The following CCDC178 variants were observed in gnomAD, a reference collection of about 807,000 sequenced individuals.
The protein encoded by CCDC178 is coiled-coil domain containing 178.
A neutral mutation model predicts 117.4 loss-of-function variants in CCDC178; 126 were observed. That is an observed-to-expected ratio of 1.07 (90% CI 0.93 to 1.24). The LOEUF (loss-of-function observed/expected upper bound fraction) is 1.24. Among genes scored for constraint, CCDC178 ranks in the 50% most tolerant of loss-of-function variants. The pLI is 0.00. For missense variants in CCDC178, 1,030 were observed against 986.9 expected (o/e 1.04, Z -0.59); for synonymous variants, 283 against 313.4 (o/e 0.90, Z 1.02).
At chr18:33,397,508 C>T (rs2063655365) in intron 3 of CCDC178, among the ~76,000 whole-genome samples, 1 of 152,056 alleles carries the variant, frequency 6.6e-6, no homozygotes, top group South Asian at 2.1e-4. Context: ...TGTGTAATTT[C>T]TCTGTTTAGT....
At chr18:33,363,095 G>T (rs908511600) in intron 6 of CCDC178, among the ~76,000 whole-genome samples, 4 of 151,782 alleles carry the variant, frequency 2.6e-5, no homozygotes, top group African/African-American at 9.7e-5. Flanking sequence ...TTGTTCTGTA[G>T]GTCTAAAGTG....
chr18:33,170,768 A>G (rs141581040), intron 20 of CCDC178, among the ~76,000 whole-genome samples: 30 of 152,304 alleles, frequency 2.0e-4, no homozygotes, highest in African/African-American at 6.3e-4. Context: ...AAGTTTTTCT[A>G]TCCTAAAAGC....
chr18:33,218,391 T>C (rs912348704), intron 18 of CCDC178, among the ~76,000 whole-genome samples: 1 of 152,124 alleles, frequency 6.6e-6, no homozygotes, highest in Non-Finnish European at 1.5e-5. Flanking sequence ...TTTCCTCCCA[T>C]TCTGTAGGTT....
chr18:33,028,309 C>A (rs1245804928), intron 21 of CCDC178, among the ~76,000 whole-genome samples: 4 of 151,770 alleles, frequency 2.6e-5, no homozygotes, highest in African/African-American at 4.8e-5. Flanking sequence ...GATATGACTA[C>A]AGATCCAGTT....
At chr18:32,979,156 T>G (rs2144708134) in intron 21 of CCDC178, among the ~76,000 whole-genome samples, 1 of 151,840 alleles carries the variant, frequency 6.6e-6, no homozygotes, top group South Asian at 2.1e-4. Context: ...CACTGAAAAA[T>G]TAATAACTTT....
At chr18:33,280,766 T>G (rs1317800085) in intron 12 of CCDC178, among the ~76,000 whole-genome samples, 2 of 152,164 alleles carry the variant, frequency 1.3e-5, no homozygotes, top group Non-Finnish European at 1.5e-5. Context: ...TGGAATACTA[T>G]GCAGCCATAA....
At chr18:33,036,502 G>A (rs956024188) in intron 21 of CCDC178, among the ~76,000 whole-genome samples, 6 of 151,856 alleles carry the variant, frequency 4.0e-5, no homozygotes, top group Admixed American at 1.3e-4. Flanking sequence ...TCTAGGGAAA[G>A]CTTTTTGAGC....
intron 6 of CCDC178, among the ~76,000 whole-genome samples, chr18:33,357,997 G>A (rs907732501): frequency 1.3e-5 from 2 of 151,962 alleles, no homozygotes; most frequent in Non-Finnish European, 2.9e-5. Flanking sequence ...CAGTGGTATA[G>A]CCTACTACAC....
chr18:33,187,300 A>T (rs1000130358), intron 20 of CCDC178, among the ~76,000 whole-genome samples: 1 of 152,048 alleles, frequency 6.6e-6, no homozygotes, highest in Non-Finnish European at 1.5e-5. Flanking sequence ...GCCAAACCAC[A>T]TGATATGGCC....
chr18:32,950,040 A>G (rs2054445904), intron 22 of CCDC178, among the ~76,000 whole-genome samples: 1 of 152,170 alleles, frequency 6.6e-6, no homozygotes, highest in African/African-American at 2.4e-5. Context: ...TCTCTTAGAT[A>G]CAAACATGTC....
chr18:33,363,729 C>T (rs573695312), intron 6 of CCDC178, among the ~76,000 whole-genome samples: 1 of 152,126 alleles, frequency 6.6e-6, no homozygotes, highest in East Asian at 1.9e-4. Context: ...AGAAGTTGCA[C>T]ACAAGGAACT....
intron 11 of CCDC178, among the ~76,000 whole-genome samples, chr18:33,316,318 A>G (rs6507012): frequency 0.43 from 65,450 of 152,086 alleles, 15,630 homozygotes; most frequent in African/African-American, 0.65. Flanking sequence ...CCCACACTCG[A>G]AGCGGCCGGC....
intron 20 of CCDC178, among the ~76,000 whole-genome samples, chr18:33,125,725 C>T (rs1490892723): frequency 6.6e-6 from 1 of 152,168 alleles, no homozygotes; most frequent in South Asian, 2.1e-4. Context: ...TGAAAAGGAA[C>T]ACCTGCTTTG....
rs184080068 is a variant in CCDC178 at position 33,415,462 on chromosome 18, A to T, written c.-22-3352T>A. On this transcript the variant is annotated intron_variant, in intron 2 of 22. Coordinates refer to ENST00000383096, the MANE Select transcript of CCDC178 (RefSeq NM_001105528.4). ...AAACTATCGCAAGGACAAAAAAACA[A>T]ACACCGCATGTTCTCACTCATAGGT... Among the ~76,000 whole-genome samples the T allele has an allele frequency of 7.7e-3, 1,166 of 152,080 alleles. 5 individuals are homozygous for T. The highest frequency in any genetic ancestry group is 0.012 in the Non-Finnish European group (823 of 67,980).
At chr18:33,437,182 T>TTTATGAGGATAGTTA (rs1489650002) in intron 2 of CCDC178, among the ~76,000 whole-genome samples, 1 of 152,154 alleles carries the variant, frequency 6.6e-6, no homozygotes, top group Non-Finnish European at 1.5e-5. Context: ...ATTTTTAGAC[T>TTTATGAGGATAGTTA]CAACAGTTAC....
intron 20 of CCDC178, among the ~76,000 whole-genome samples, chr18:33,190,188 C>T (rs1158992252): frequency 6.6e-6 from 1 of 152,218 alleles, no homozygotes; most frequent in Non-Finnish European, 1.5e-5. Flanking sequence ...GCTTAGACTT[C>T]TCCCCTATTC....
intron 6 of CCDC178, among the ~76,000 whole-genome samples, chr18:33,359,830 G>T (rs1472742982): frequency 1.3e-5 from 2 of 151,276 alleles, no homozygotes; most frequent in African/African-American, 4.8e-5. Flanking sequence ...CATTATGGGG[G>T]AAATGAAACA....
At chr18:33,378,652 T>C (rs1399758087) in intron 5 of CCDC178, among the ~76,000 whole-genome samples, 2 of 152,220 alleles carry the variant, frequency 1.3e-5, no homozygotes, top group Non-Finnish European at 2.9e-5. Context: ...TGAAGTGATG[T>C]TGGATTTTAT....
intron 8 of CCDC178, among the ~76,000 whole-genome samples, chr18:33,348,047 G>A (rs2062920827): frequency 6.6e-6 from 1 of 151,848 alleles, no homozygotes; most frequent in Non-Finnish European, 1.5e-5. Flanking sequence ...TTGTAGTTGT[G>A]ATTGTTAATA....
Sources: gnomAD v4.1 joint callset for allele counts (sites outside exome capture counted in the v4.1 genomes callset) on GRCh38, gnomAD v4.1.1 for gene constraint, MANE v1.5 for transcripts, NCBI Gene and HGNC (gene_info 2026-07-23, HGNC 2026-07-21) for gene names.